The following ANTXR1 variants were observed in gnomAD, a reference collection of about 807,000 sequenced individuals.
ANTXR1 encodes ANTXR cell adhesion molecule 1, also known as anthrax toxin receptor 1.
Under a neutral mutation model 78.1 loss-of-function variants are expected in ANTXR1, and 19 were observed. The ratio of observed to expected loss-of-function variants is 0.24; its 90% CI spans 0.17 to 0.36. ANTXR1 has a LOEUF of 0.36. ANTXR1 is among the 10% of genes least tolerant of loss of function. ANTXR1 has a pLI of 1.00. For missense variants in ANTXR1, 518 were observed against 718.6 expected (o/e 0.72, Z 3.19); for synonymous variants, 273 against 260.5 (o/e 1.05, Z -0.46).
At chr2:69,099,352 G>A (rs1419791775) in intron 9 of ANTXR1, among the ~76,000 whole-genome samples, 1 of 152,128 alleles carries the variant, frequency 6.6e-6, no homozygotes, top group Non-Finnish European at 1.5e-5. Flanking sequence ...ATCAGTTGAT[G>A]AACATTTAGG....
intron 10 of ANTXR1, among the ~76,000 whole-genome samples, chr2:69,104,274 A>G (rs556375629): frequency 6.6e-6 from 1 of 152,238 alleles, no homozygotes; most frequent in South Asian, 2.1e-4. Flanking sequence ...TCTTGTTTTT[A>G]AAGAAGAAGA....
Position 69,021,754 on chromosome 2 carries a change from A to G in ANTXR1, c.152+8103A>G, listed in dbSNP as rs141836883. On this transcript the variant is annotated intron_variant, in intron 1 of 17. Transcript: ENST00000303714. ...TAAAAGCTTCTACTGAAAACGTATA[A>G]TTATAGCTTGCTTTGGCTTGAATAA... Among the ~76,000 whole-genome samples the G allele has an allele frequency of 9.2e-5, 14 of 152,362 alleles. No individual in the cohort carries two copies. The South Asian group carries it at 1.4e-3, about 16-fold the overall frequency.
At chr2:69,177,515 A>G (rs935870120) in intron 14 of ANTXR1, among the ~76,000 whole-genome samples, 1 of 152,188 alleles carries the variant, frequency 6.6e-6, no homozygotes, top group African/African-American at 2.4e-5. Context: ...ATGTGCTGCC[A>G]TTTGTGTTAC....
intron 1 of ANTXR1, among the ~76,000 whole-genome samples, chr2:69,019,635 AGAAT>A (rs1671125627): frequency 6.6e-6 from 1 of 152,162 alleles, no homozygotes; most frequent in South Asian, 2.1e-4. Context: ...AAATTACATA[AGAAT>A]GTGTCATGGA....
At chr2:69,106,686 G>A (rs1384197257) in intron 10 of ANTXR1, among the ~76,000 whole-genome samples, 1 of 152,200 alleles carries the variant, frequency 6.6e-6, no homozygotes, top group African/African-American at 2.4e-5. Context: ...GCCCCAAAAT[G>A]TGTCCGTGAT....
At chr2:69,149,242 G>A (rs537101175) in intron 12 of ANTXR1, among the ~76,000 whole-genome samples, 15 of 152,178 alleles carry the variant, frequency 9.9e-5, no homozygotes, top group Middle Eastern at 3.4e-3. Context: ...TGAGCCCCCC[G>A]GCTGTCCTCC....
chr2:69,043,348 T>C (rs1669667411), intron 2 of ANTXR1, among the ~76,000 whole-genome samples: 1 of 152,216 alleles, frequency 6.6e-6, no homozygotes. Flanking sequence ...TGTTCAAGTA[T>C]AATGAGATCA....
Position 69,090,799 on chromosome 2 carries a change from T to C in ANTXR1, c.643-60T>C, listed in dbSNP as rs1265764512. 4 of 1,575,536 alleles carry C rather than the reference T, an allele frequency of 2.5e-6. No individual in the cohort carries two copies. In the African/African-American group the frequency reaches 4.0e-5, roughly 16 times the overall value. On this transcript the variant is annotated intron_variant, in intron 8 of 17. Transcript: ENST00000303714. ...ATCTCAGTAGCTAAAAGCAGAACCC[T>C]GATTCTGTCTTTGAACAAAATAAGC...
At chr2:69,137,599 T>C (rs1672949459) in intron 12 of ANTXR1, among the ~76,000 whole-genome samples, 1 of 151,744 alleles carries the variant, frequency 6.6e-6, no homozygotes. Flanking sequence ...TACAACAGGG[T>C]CTTTTGTAGA....
chr2:69,248,067 A>G lies in ANTXR1; in HGVS notation c.*2582A>G, dbSNP rs1030154775. 1 of 166,604 alleles carries G rather than the reference A, an allele frequency of 6.0e-6. No individual in the cohort carries two copies. Among genetic ancestry groups the G allele is most frequent in the Admixed American group, 6.5e-5 (1 of 15,292 alleles). The allele number at this position is 166,604 out of a possible 1,614,324, so 10.3% of individuals were successfully genotyped here. A position where few individuals can be genotyped will look rare whatever the true frequency, so the allele number is the denominator to read the frequency against. On this transcript the variant is annotated 3_prime_UTR_variant, in exon 18 of 18. Transcript: ENST00000303714. ...GGTGATATCTTCATAGTGGGCTATT[A>G]CAGGCAGGAAAATGTTTTAACTGGT...
At chr2:69,120,217 A>G (rs1232197058) in intron 10 of ANTXR1, among the ~76,000 whole-genome samples, 2 of 152,240 alleles carry the variant, frequency 1.3e-5, no homozygotes, top group Non-Finnish European at 2.9e-5. Flanking sequence ...TTAATATTAT[A>G]CTGAAAGTGA....
intron 13 of ANTXR1, among the ~76,000 whole-genome samples, chr2:69,156,946 T>TTTC (rs1242361048): frequency 6.6e-6 from 1 of 152,172 alleles, no homozygotes; most frequent in Non-Finnish European, 1.5e-5. Context: ...TCATGCCTTA[T>TTTC]TTCTCCTTCA....
At chr2:69,201,392 G>A (rs1674768816) in intron 17 of ANTXR1, among the ~76,000 whole-genome samples, 1 of 152,190 alleles carries the variant, frequency 6.6e-6, no homozygotes, top group Non-Finnish European at 1.5e-5. Context: ...CAGAGTGGGA[G>A]GCACTGAGAG....
chr2:69,223,773 A>G (rs1675378536), intron 17 of ANTXR1, among the ~76,000 whole-genome samples: 1 of 152,264 alleles, frequency 6.6e-6, no homozygotes, highest in Non-Finnish European at 1.5e-5. Context: ...AAGAGAAAGA[A>G]TATCAGAAAA....
intron 17 of ANTXR1, among the ~76,000 whole-genome samples, chr2:69,242,372 AC>A (rs1675915612): frequency 6.6e-6 from 1 of 152,094 alleles, no homozygotes; most frequent in Admixed American, 6.5e-5. Flanking sequence ...TTTTTTGAAA[AC>A]CCCTGGGAAT....
chr2:69,089,650 T>G (rs1671163899), intron 8 of ANTXR1, among the ~76,000 whole-genome samples: 1 of 152,250 alleles, frequency 6.6e-6, no homozygotes, highest in Admixed American at 6.5e-5. Context: ...CAAAGAAGCA[T>G]ATGTAAAGAA....
chr2:69,096,684 G>A (rs1184574503), intron 9 of ANTXR1, among the ~76,000 whole-genome samples: 8 of 152,052 alleles, frequency 5.3e-5, no homozygotes, highest in Admixed American at 5.2e-4. Flanking sequence ...TAAATTTATT[G>A]CTAACATTTA....
intron 9 of ANTXR1, among the ~76,000 whole-genome samples, chr2:69,101,343 G>A (rs891151975): frequency 1.3e-5 from 2 of 152,200 alleles, no homozygotes; most frequent in Non-Finnish European, 2.9e-5. Context: ...GAAGCTAATG[G>A]CTGAGTTCTA....
chr2:69,103,028 C>T (rs756762424), intron 10 of ANTXR1, 88 bp downstream of exon 10: 62 of 1,282,944 alleles, frequency 4.8e-5, no homozygotes, highest in Non-Finnish European at 6.7e-5. Flanking sequence ...AGGCCACACA[C>T]ATGAAACCAG....
Sources: allele counts gnomAD v4.1 joint callset (sites outside exome capture counted in the v4.1 genomes callset), GRCh38; gene constraint gnomAD v4.1.1; transcripts MANE v1.5; gene names NCBI Gene and HGNC (gene_info 2026-07-23, HGNC 2026-07-21).